Variants in NTNG1 observed in about 807,000 individuals in gnomAD.
The protein encoded by NTNG1 is netrin G1, also known as netrin-G1.
Under a neutral mutation model 54.0 loss-of-function variants are expected in NTNG1, and 16 were observed. The ratio of observed to expected loss-of-function variants is 0.30; its 90% CI spans 0.20 to 0.45. The LOEUF (loss-of-function observed/expected upper bound fraction) is 0.45, where lower values mean the gene tolerates loss of function less well. NTNG1 is among the 20% of genes least tolerant of loss of function. The pLI is 1.00. For missense variants in NTNG1, 530 were observed against 678.7 expected, an observed-to-expected ratio of 0.78 and a Z score of 2.43; for synonymous variants, 255 against 263.1, an observed-to-expected ratio of 0.97 and a Z score of 0.30.
chr1:107,287,674 A>C (rs572249117), intron 2 of NTNG1, among the ~76,000 whole-genome samples: 2 of 152,268 alleles, frequency 1.3e-5, no homozygotes, highest in Middle Eastern at 3.4e-3. Flanking sequence ...AAGACTTTGA[A>C]TGTGAAGATA....
chr1:107,237,402 C>T (rs1348386440), intron 2 of NTNG1, among the ~76,000 whole-genome samples: 1 of 152,098 alleles, frequency 6.6e-6, no homozygotes, highest in African/African-American at 2.4e-5. Context: ...AAATATGCAG[C>T]CTGACAATGC....
At chr1:107,142,962 C>A (rs1048435916) in intron 1 of NTNG1, 1 of 152,038 alleles carries the variant, frequency 6.6e-6, no homozygotes, top group Non-Finnish European at 1.5e-5. Flanking sequence ...TGAAGATAAG[C>A]AACTTTCGAT....
chr1:107,328,684 T>C (rs774087824), intron 3 of NTNG1, among the ~76,000 whole-genome samples: 3 of 152,128 alleles, frequency 2.0e-5, no homozygotes, highest in Non-Finnish European at 4.4e-5. Flanking sequence ...ATTAAAATAA[T>C]TGAAAAAGCG....
At position 107,325,044 on chromosome 1, in the gene NTNG1, A is replaced by G. The variant is rs1251480743; in HGVS notation, c.887+122A>G. ...CTGCAACGTTTTCTTCAGGAACTCC[A>G]CTGTAGAAGTAGGTTCTGAAGGCAT... On this transcript the variant is annotated intron_variant, in intron 3 of 7. Transcript: ENST00000370068. 5.0e-6 allele frequency: 5 copies of G among 998,208 alleles called. No homozygotes were observed. The East Asian group carries it at 1.2e-4, about 24-fold the overall frequency. The allele number at this position is 998,208 out of a possible 1,614,324, so 61.8% of individuals were successfully genotyped here. A position where few individuals can be genotyped will look rare whatever the true frequency, so the allele number is the denominator to read the frequency against.
At chr1:107,477,159 G>C (rs1290468570) in intron 7 of NTNG1, among the ~76,000 whole-genome samples, 1 of 152,188 alleles carries the variant, frequency 6.6e-6, no homozygotes, top group African/African-American at 2.4e-5. Flanking sequence ...CCTCTAAGGT[G>C]GGGTAATGGC....
intron 2 of NTNG1, among the ~76,000 whole-genome samples, chr1:107,154,001 T>C (rs1654780591): frequency 6.6e-6 from 1 of 152,210 alleles, no homozygotes; most frequent in South Asian, 2.1e-4. Context: ...CAAACATTAC[T>C]GCAAACCATT....
chr1:107,304,135 ATTTTTCT>A (rs1666508641), intron 2 of NTNG1, among the ~76,000 whole-genome samples: 1 of 151,194 alleles, frequency 6.6e-6, no homozygotes, highest in African/African-American at 2.4e-5. Flanking sequence ...AAATCAAAAG[ATTTTTCT>A]TACTCCTTAT....
intron 2 of NTNG1, among the ~76,000 whole-genome samples, chr1:107,314,444 T>TTAAA (rs1223603997): frequency 1.2e-3 from 141 of 116,424 alleles, no homozygotes; most frequent in African/African-American, 4.9e-3. Context: ...AATAAATAAA[T>TTAAA]AAAAATGAGA....
intron 6 of NTNG1, among the ~76,000 whole-genome samples, chr1:107,433,202 G>A (rs138368283): frequency 4.6e-5 from 7 of 152,242 alleles, no homozygotes; most frequent in African/African-American, 1.7e-4. Context: ...GAAACCAAGC[G>A]AAGTACTTGG....
intron 2 of NTNG1, among the ~76,000 whole-genome samples, chr1:107,205,660 G>T (rs557814907): frequency 6.6e-6 from 1 of 151,496 alleles, no homozygotes; most frequent in Non-Finnish European, 1.5e-5. Flanking sequence ...TAACATACAC[G>T]CAGAAATGTG....
intron 5 of NTNG1, among the ~76,000 whole-genome samples, chr1:107,426,946 G>A (rs1674945550): frequency 6.6e-6 from 1 of 151,980 alleles, no homozygotes; most frequent in South Asian, 2.1e-4. Flanking sequence ...TGGGGGGCAT[G>A]TAAATGGGAT....
chr1:107,148,501 A>T lies in NTNG1; in HGVS notation c.-93A>T, dbSNP rs1019298914. On this transcript the variant is annotated 5_prime_UTR_variant, in exon 2 of 8. Transcript: ENST00000370068. ...GACCTACCTACCCGTACGCATACAT[A>T]CATATGTGTATATATATGTAAACTA... is the stretch of plus-strand genomic sequence containing the variant. The T allele has an allele frequency of 7.2e-6, 9 of 1,242,072 alleles. No homozygotes were observed. The highest frequency in any genetic ancestry group is 6.9e-6 in the Non-Finnish European group (6 of 869,708). The allele number at this position is 1,242,072 out of a possible 1,614,324, so 76.9% of individuals were successfully genotyped here.
intron 1 of NTNG1, among the ~76,000 whole-genome samples, chr1:107,146,578 C>A (rs912042880): frequency 1.3e-5 from 2 of 151,982 alleles, no homozygotes; most frequent in Admixed American, 6.6e-5. Flanking sequence ...TTTTAGGTTA[C>A]AAGGAAGAGG....
At chr1:107,246,112 T>G (rs1250910606) in intron 2 of NTNG1, among the ~76,000 whole-genome samples, 1 of 152,170 alleles carries the variant, frequency 6.6e-6, no homozygotes, top group Non-Finnish European at 1.5e-5. Context: ...AGTACAGTGG[T>G]GTGATCTCCG....
chr1:107,368,821 C>A (rs1670744619), intron 3 of NTNG1, among the ~76,000 whole-genome samples: 1 of 152,112 alleles, frequency 6.6e-6, no homozygotes, highest in South Asian at 2.1e-4. Context: ...ATTTTGTAAA[C>A]AGTTTTATTG....
chr1:107,343,349 G>A, intron 3 of NTNG1, among the ~76,000 whole-genome samples: 1 of 152,084 alleles, frequency 6.6e-6, no homozygotes, highest in East Asian at 1.9e-4. Flanking sequence ...TTGGAAGTGT[G>A]TTCACATGAT....
At chr1:107,475,153 C>T (rs1464112155) in intron 7 of NTNG1, among the ~76,000 whole-genome samples, 1 of 152,194 alleles carries the variant, frequency 6.6e-6, no homozygotes, top group African/African-American at 2.4e-5. Context: ...TTAGTCAATA[C>T]AGCTGCAAAT....
At chr1:107,289,350 C>A (rs1007168420) in intron 2 of NTNG1, among the ~76,000 whole-genome samples, 14 of 152,114 alleles carry the variant, frequency 9.2e-5, no homozygotes, top group Non-Finnish European at 2.9e-5. Context: ...CAAATCTCAA[C>A]CAAATATTTA....
intron 2 of NTNG1, among the ~76,000 whole-genome samples, chr1:107,266,509 G>A (rs1422771182): frequency 6.6e-6 from 1 of 151,934 alleles, no homozygotes; most frequent in Non-Finnish European, 1.5e-5. Context: ...GCAGCAAGGG[G>A]GAAATAGGTC....
Sources: gnomAD v4.1 joint callset for allele counts (sites outside exome capture counted in the v4.1 genomes callset) on GRCh38, gnomAD v4.1.1 for gene constraint, MANE v1.5 for transcripts, NCBI Gene and HGNC (gene_info 2026-07-23, HGNC 2026-07-21) for gene names.